Variants in CREB3L2 observed in about 807,000 individuals in gnomAD.
CREB3L2 encodes the protein cAMP responsive element binding protein 3 like 2.
In CREB3L2, 23 loss-of-function variants were observed where a neutral mutation model predicts 57.2. The ratio of observed to expected loss-of-function variants is 0.40; its 90% CI spans 0.29 to 0.57. The LOEUF is 0.57. Among genes scored for constraint, CREB3L2 ranks in the 20% least tolerant of loss-of-function variants. The probability of loss-of-function intolerance (pLI) is 0.42; values close to 1 mark genes in which losing one functional copy is unlikely to be tolerated. For synonymous variants in CREB3L2, 268 were observed against 265.1 expected, an observed-to-expected ratio of 1.01 and a Z score of -0.11; for missense variants, 628 against 634.7, an observed-to-expected ratio of 0.99 and a Z score of 0.11.
intron 1 of CREB3L2, among the ~76,000 whole-genome samples, chr7:137,989,898 C>T (rs1014013383): frequency 6.6e-6 from 1 of 152,196 alleles, no homozygotes; most frequent in African/African-American, 2.4e-5. Flanking sequence ...TCTAACCTCC[C>T]CTATCCTCTC....
chr7:137,946,303 G>A (rs544432167), intron 1 of CREB3L2, among the ~76,000 whole-genome samples: 9 of 152,126 alleles, frequency 5.9e-5, no homozygotes, highest in Non-Finnish European at 1.2e-4. Flanking sequence ...TCATCAAAAC[G>A]GAGATTATCC....
At chr7:137,882,209 C>T (rs953234612) in intron 11 of CREB3L2, among the ~76,000 whole-genome samples, 18 of 152,294 alleles carry the variant, frequency 1.2e-4, no homozygotes, top group Non-Finnish European at 2.2e-4. Context: ...GGAGCTCACG[C>T]TGGTTTTTTT....
Position 137,915,892 on chromosome 7 carries a change from G to A in CREB3L2, c.440C>T (p.Thr147Ile), listed in dbSNP as rs1277173579. The A allele has an allele frequency of 4.3e-6, 7 of 1,614,078 alleles. No homozygotes were observed. Among genetic ancestry groups the A allele is most frequent in the Non-Finnish European group, 5.1e-6 (6 of 1,180,022 alleles). ...GLVPSVTLTI[T>I]AISTPLEKEE... is the part of the protein sequence containing the mutation. ...CTTTTCCAACGGGGTGGAGATGGCT[G>A]TGATGGTCAGAGTGACAGACGGAAC... The change falls in exon 3 of 12, where the codon ACA (threonine) becomes ATA (isoleucine). Residue 147 changes from threonine to isoleucine, a missense_variant. Physicochemically the swap from Thr to Ile is moderately conservative, Grantham distance 89 (BLOSUM62 -1). Coordinates refer to ENST00000330387, the MANE Select transcript of CREB3L2 (RefSeq NM_194071.4).
chr7:137,982,839 A>T (rs1315791760), intron 1 of CREB3L2, among the ~76,000 whole-genome samples: 1 of 152,162 alleles, frequency 6.6e-6, no homozygotes, highest in Non-Finnish European at 1.5e-5. Context: ...ATGGGCTGAA[A>T]GGATGGTGCC....
intron 8 of CREB3L2, among the ~76,000 whole-genome samples, chr7:137,888,275 T>C (rs1371445169): frequency 1.3e-5 from 2 of 149,500 alleles, no homozygotes; most frequent in African/African-American, 4.9e-5. Flanking sequence ...CCATTTTCTT[T>C]AAAAGCATTT....
chr7:137,889,119 A>G (rs1023909295), intron 8 of CREB3L2, among the ~76,000 whole-genome samples: 4 of 152,076 alleles, frequency 2.6e-5, no homozygotes, highest in South Asian at 2.1e-4. Context: ...ACAAGGAATC[A>G]GTCCTCCCTT....
At chr7:137,925,764 C>T (rs1800441290) in intron 2 of CREB3L2, among the ~76,000 whole-genome samples, 1 of 152,250 alleles carries the variant, frequency 6.6e-6, no homozygotes, top group South Asian at 2.1e-4. Context: ...CACTGCCTCA[C>T]TCTGATTTCA....
chr7:137,997,825 A>G (rs1802011875), intron 1 of CREB3L2, among the ~76,000 whole-genome samples: 1 of 152,238 alleles, frequency 6.6e-6, no homozygotes, highest in Admixed American at 6.5e-5. Context: ...AATACAATAC[A>G]AATGGCAGAA....
chr7:137,940,042 C>A (rs1800855174), intron 1 of CREB3L2, among the ~76,000 whole-genome samples: 1 of 152,232 alleles, frequency 6.6e-6, no homozygotes, highest in Non-Finnish European at 1.5e-5. Context: ...GATATCCCTC[C>A]TTCTGTCCCT....
At chr7:137,989,737 C>T (rs895207640) in intron 1 of CREB3L2, among the ~76,000 whole-genome samples, 1 of 152,124 alleles carries the variant, frequency 6.6e-6, no homozygotes, top group Admixed American at 6.5e-5. Context: ...AATTACTGTG[C>T]CTGAAAGTGA....
intron 1 of CREB3L2, among the ~76,000 whole-genome samples, chr7:137,965,235 C>T (rs1035448846): frequency 3.9e-5 from 6 of 152,240 alleles, no homozygotes; most frequent in South Asian, 2.1e-4. Context: ...GTAATTACTG[C>T]TTCCTCAGAT....
chr7:137,913,216 T>C, intron 3 of CREB3L2, 138 bp from the exon 4 acceptor site: 1 of 792,872 alleles, frequency 1.3e-6, no homozygotes, highest in Non-Finnish European at 2.0e-6. Flanking sequence ...TGTAGGCAAC[T>C]TCCCTGACAG....
intron 7 of CREB3L2, among the ~76,000 whole-genome samples, chr7:137,903,371 T>TA (rs1398264477): frequency 6.6e-6 from 1 of 152,104 alleles, no homozygotes; most frequent in Non-Finnish European, 1.5e-5. Flanking sequence ...GTTTGTTAGC[T>TA]AAAGAACTAA....
At chr7:137,997,837 T>C (rs899933699) in intron 1 of CREB3L2, among the ~76,000 whole-genome samples, 8 of 152,230 alleles carry the variant, frequency 5.3e-5, no homozygotes, top group Non-Finnish European at 1.2e-4. Flanking sequence ...ATGGCAGAAA[T>C]GTCCAACATA....
chr7:137,912,816 T>A, intron 4 of CREB3L2, 175 bp downstream of exon 4: 1 of 1,509,730 alleles, frequency 6.6e-7, no homozygotes, highest in Non-Finnish European at 8.9e-7. Context: ...AATAGTTAGC[T>A]TGCAAAATTT....
intron 2 of CREB3L2, among the ~76,000 whole-genome samples, chr7:137,922,411 T>TATATAC (rs1800324993): frequency 3.3e-4 from 8 of 24,446 alleles, no homozygotes; most frequent in African/African-American, 1.7e-3. Flanking sequence ...TATATATATA[T>TATATAC]ATATGTATAT....
At chr7:137,938,003 A>T (rs1198935215) in intron 1 of CREB3L2, among the ~76,000 whole-genome samples, 1 of 152,156 alleles carries the variant, frequency 6.6e-6, no homozygotes, top group Non-Finnish European at 1.5e-5. Flanking sequence ...AATATTTTGT[A>T]AAAGGAGTCA....
At chr7:137,990,613 G>A (rs961671756) in intron 1 of CREB3L2, among the ~76,000 whole-genome samples, 5 of 152,170 alleles carry the variant, frequency 3.3e-5, no homozygotes, top group Admixed American at 6.5e-5. Context: ...GACAGGATGC[G>A]AGGGGAAGGA....
intron 8 of CREB3L2, among the ~76,000 whole-genome samples, chr7:137,894,888 G>C (rs1174050774): frequency 1.3e-5 from 2 of 152,182 alleles, no homozygotes; most frequent in African/African-American, 4.8e-5. Flanking sequence ...CAAAAGTTAA[G>C]TGACCAAGTT....
Sources: gnomAD v4.1 joint callset for allele counts (sites outside exome capture counted in the v4.1 genomes callset) on GRCh38, gnomAD v4.1.1 for gene constraint, MANE v1.5 for transcripts, NCBI Gene and HGNC (gene_info 2026-07-23, HGNC 2026-07-21) for gene names.